ABCA2: variants seen among roughly 807,000 people sequenced by gnomAD.
ABCA2 encodes ATP binding cassette subfamily A member 2, also known as ATP-binding cassette sub-family A member 2.
ABCA2 carries 84 observed loss-of-function variants against 262.8 expected under a neutral mutation model. The observed-to-expected ratio is 0.32, with a 90% confidence interval of 0.27 to 0.38. The LOEUF is 0.38. Among genes scored for constraint, ABCA2 ranks in the 10% least tolerant of loss-of-function variants. The pLI is 1.00. For synonymous variants in ABCA2, 1,696 were observed against 1,502.9 expected, an observed-to-expected ratio of 1.13 and a Z score of -2.97; for missense variants, 2,662 against 3,405.9, an observed-to-expected ratio of 0.78 and a Z score of 5.44.
In ABCA2 at chr9:137,019,083, G is replaced by A. The variant is rs1355181617; in HGVS notation, c.1555-13C>T. ...GCTCTGCTACATACTTGGGGTGGAG[G>A]GGCGGCTCAGAGGGGGACCTGCGCC... On this transcript the variant is annotated splice_polypyrimidine_tract_variant and intron_variant, in intron 11 of 48. Coordinates refer to ENST00000341511, the MANE Select transcript of ABCA2 (RefSeq NM_001606.5). This position sits in a 1 kb window ranked among gnomAD's most constrained non-coding sequence, Gnocchi z 4.4. 14 of 1,605,074 alleles carry A rather than the reference G, an allele frequency of 8.7e-6. No homozygotes were observed. The highest frequency in any genetic ancestry group is 1.1e-5 in the Non-Finnish European group (13 of 1,174,328).
chr9:137,028,888 G>C, upstream of ABCA2: 1 of 1,321,182 alleles, frequency 7.6e-7, no homozygotes, highest in Non-Finnish European at 1.0e-6. This position sits in a 1 kb window ranked among gnomAD's most constrained non-coding sequence, Gnocchi z 6.9. Context: ...GGCGAGTCTG[G>C]TCTCTGCACA....
In ABCA2 at chr9:137,023,066, G is replaced by A. The variant is rs763151666; in HGVS notation, c.164-14C>T. 32 of 1,565,904 alleles carry A rather than the reference G, an allele frequency of 2.0e-5. No homozygotes were observed. Among genetic ancestry groups the A allele is most frequent in the African/African-American group, 4.1e-5 (3 of 73,834 alleles). ...CTGTGTAGAAGGCTGGCAGACCCAC[G>A]GGAGAGGGCAGGGTCGGGGGTGAAA... On this transcript the variant is annotated splice_polypyrimidine_tract_variant and intron_variant, in intron 3 of 48. Coordinates refer to ENST00000341511, the MANE Select transcript of ABCA2 (RefSeq NM_001606.5).
In ABCA2 at chr9:137,016,346, C is replaced by T. The variant is rs1452263264; in HGVS notation, c.3049G>A (p.Glu1017Lys). Residue 1017 changes from glutamate (E) to lysine (K), a missense_variant, in exon 21 of 49, where the codon GAG becomes AAG. This residue lies in a region of ABCA2 where 180 missense variants were observed against 307.3 expected (regional missense o/e 0.59). Transcript: ENST00000341511. ...ALNKLSLNLYENQVVSFLGHN... is the reference protein window; with the variant it reads ...ALNKLSLNLYKNQVVSFLGHN... ...CCCAAGAAGGAGACCACCTGGTTCT[C>T]GTAGAGGTTCAGGCTCAGCTTGTTC... The T allele has an allele frequency of 6.2e-7, 1 of 1,612,900 alleles. No homozygotes were observed. The highest frequency in any genetic ancestry group is 1.1e-5 in the South Asian group (1 of 91,092).
At position 137,009,594 on chromosome 9, in the gene ABCA2, G is replaced by A. The variant is rs202176127; in HGVS notation, c.6681C>T (p.Asn2227=). The A allele has an allele frequency of 4.3e-6, 7 of 1,612,862 alleles. No homozygotes were observed. The highest frequency in any genetic ancestry group is 1.6e-4 in the Middle Eastern group (1 of 6,080). ...MDPKARRFLW[N]LILDLIKTGR... is the part of the protein sequence containing the mutation. Reference sequence around the variant, plus strand: ...CTGTCTTGATGAGGTCAAGGATGAGGTTCCAGAGGAAGCGCCGGGCCTTGG... The same window carrying A: ...CTGTCTTGATGAGGTCAAGGATGAGATTCCAGAGGAAGCGCCGGGCCTTGG... Residue 2227 remains asparagine (N), a synonymous_variant, in exon 44 of 49, where the codon AAC becomes AAT. Transcript: ENST00000341511.
chr9:137,011,837 G>C lies in ABCA2; in HGVS notation c.5535+7C>G. ...GCCGGGGCACCCCATGGCCACGCCGGGCGCACCATGTCCCACACGTAGTTC... is the reference window on the plus strand; with the variant it reads ...GCCGGGGCACCCCATGGCCACGCCGCGCGCACCATGTCCCACACGTAGTTC... On this transcript the variant is annotated splice_region_variant and intron_variant, in intron 35 of 48. Transcript: ENST00000341511. The surrounding 1 kb of genome is among the most constrained non-coding windows in gnomAD (Gnocchi z 8.8). The C allele has an allele frequency of 1.9e-6, 3 of 1,575,490 alleles. No homozygotes were observed. The highest frequency in any genetic ancestry group is 2.6e-6 in the Non-Finnish European group (3 of 1,161,666).
chr9:137,010,801 G>C (rs1373423504), intron 39 of ABCA2, 64 bp from the exon 40 acceptor site: 36 of 1,527,020 alleles, frequency 2.4e-5, no homozygotes, highest in Non-Finnish European at 3.2e-5. Context: ...CCTGCCACCA[G>C]CCTCGCATCC....
rs1831260172 is a variant in ABCA2, at chr9:137,016,388, C to T, written c.3007G>A (p.Asp1003Asn). 1.2e-6 allele frequency: 2 copies of T among 1,612,942 alleles called. No homozygotes were observed. The highest frequency in any genetic ancestry group is 1.1e-5 in the South Asian group (1 of 91,092). ...AGCTTGTTCAGGGCCAGCTTCTTGT[C>T]GTCCTTGTAGACCTTGGTGAGTTTG... ...VDKLTKVYKD[D>N]KKLALNKLSL... The change falls in exon 21 of 49, where the codon GAC becomes AAC. Residue 1003 changes from aspartate (D) to asparagine (N), a missense_variant. Asp to Asn is a conservative substitution (Grantham distance 23). Around this residue, in one of 12 missense-constraint regions of ABCA2, gnomAD observed 133 missense variants for 150.8 expected, o/e 0.88. Transcript: ENST00000341511.
Position 137,012,800 on chromosome 9 carries a change from C to T in ABCA2, c.4993G>A (p.Val1665Met). 2 of 1,612,378 alleles carry T rather than the reference C, an allele frequency of 1.2e-6. No individual in the cohort carries two copies. The highest frequency in any genetic ancestry group is 3.3e-4 in the Middle Eastern group (2 of 6,048). The change falls in exon 31 of 49, where the codon GTG (valine) becomes ATG (methionine). Residue 1665 changes from valine (V) to methionine (M), a missense_variant. By Grantham distance (21) the Val-to-Met change is conservative. Transcript: ENST00000341511. ...SVGGHPPQMR[V>M]VTGDILTDIT... Reference sequence around the variant, plus strand: ...TCGGTCAGGATGTCGCCTGTGACCACCCGCATCTGGGGCGGGTGCCCGCCC... The same window carrying T: ...TCGGTCAGGATGTCGCCTGTGACCATCCGCATCTGGGGCGGGTGCCCGCCC...
intron 33 of ABCA2, 32 bp from the exon 34 acceptor site, chr9:137,012,194 A>AGGCCCCAGCTCCTCCCCGCCCC: frequency 6.2e-7 from 1 of 1,609,766 alleles, no homozygotes; most frequent in Non-Finnish European, 8.5e-7. Context: ...CGGCAGCTTC[A>AGGCCCCAGCTCCTCCCCGCCCC]GGCCCCAGCT....
intron 13 of ABCA2, 27 bp downstream of exon 13, chr9:137,018,692 T>TGGGGC (rs1554737784): frequency 6.8e-6 from 6 of 886,968 alleles, no homozygotes; most frequent in South Asian, 2.5e-5. Context: ...TGTGGGGGGC[T>TGGGGC]GGGGCGGGGC....
In ABCA2 at chr9:137,012,170, C is replaced by G. The variant is rs376465053; in HGVS notation, c.5300-8G>C. 2 of 1,611,424 alleles carry G rather than the reference C, an allele frequency of 1.2e-6. No homozygotes were observed. Among genetic ancestry groups the G allele is most frequent in the South Asian group, 2.2e-5 (2 of 91,064 alleles). Reference sequence around the variant, plus strand: ...GGTTGGTGACGGTGATGCCTGCACACGGCGGGGCGGGGGCGGCAGCTTCAG... The same window carrying G: ...GGTTGGTGACGGTGATGCCTGCACAGGGCGGGGCGGGGGCGGCAGCTTCAG... On this transcript the variant is annotated splice_region_variant and splice_polypyrimidine_tract_variant and intron_variant, in intron 33 of 48. Coordinates refer to ENST00000341511, the MANE Select transcript of ABCA2 (RefSeq NM_001606.5).
In ABCA2 at chr9:137,021,324, C is replaced by T. The variant is rs892898677; in HGVS notation, c.897+68G>A. The T allele has an allele frequency of 3.1e-5, 48 of 1,556,290 alleles. No homozygotes were observed. The highest frequency in any genetic ancestry group is 3.6e-5 in the Non-Finnish European group (42 of 1,151,062). On this transcript the variant is annotated intron_variant, in intron 8 of 48. Transcript: ENST00000341511. The surrounding 1 kb of genome is among the most constrained non-coding windows in gnomAD (Gnocchi z 6.0). ...GCCCAGGAGCCCTGAGCTCTCCAAG[C>T]GGTCCCAGCCCCTCCTTCAACTCAG...
intron 24 of ABCA2, 87 bp from the exon 25 acceptor site, chr9:137,015,184 G>T: frequency 7.0e-7 from 1 of 1,424,280 alleles, no homozygotes; most frequent in Non-Finnish European, 9.4e-7. Flanking sequence ...TCAAGATATG[G>T]GCATTGGAGA....
chr9:137,018,404 T>TCCTTCCG, intron 13 of ABCA2, 53 bp from the exon 14 acceptor site: 1 of 238,486 alleles, frequency 4.2e-6, no homozygotes. Flanking sequence ...GACCAAGGCG[T>TCCTTCCG]GGTGGGGGGG....
At chr9:137,017,738 G>A (rs369944063) in intron 16 of ABCA2, 46 bp from the exon 17 acceptor site, 24 of 1,607,816 alleles carry the variant, frequency 1.5e-5, no homozygotes, top group Admixed American at 1.3e-4. Context: ...GGAGGACGCC[G>A]CCCCTCCCTG....
chr9:137,012,525 G>T lies in ABCA2; in HGVS notation c.5147C>A (p.Pro1716Gln). The stretch of plus-strand genomic sequence containing the variant: ...CACCGCGATCTTCCGCACCATGGGT[G>T]GGGCCCTGGTGCCAAATGAGGCTGG... ...SIPASFGTRAPPMVRKIAVRR... is the reference protein window; with the variant it reads ...SIPASFGTRAQPMVRKIAVRR... The change falls in exon 32 of 49, where the codon CCA (proline) becomes CAA (glutamine). Residue 1716 changes from proline (P) to glutamine (Q), a missense_variant. Physicochemically the swap from Pro to Gln is moderately conservative, Grantham distance 76 (BLOSUM62 -1). Coordinates refer to ENST00000341511, the MANE Select transcript of ABCA2 (RefSeq NM_001606.5). 1 of 1,611,936 alleles carries T rather than the reference G, an allele frequency of 6.2e-7. No homozygotes were observed. Among genetic ancestry groups the T allele is most frequent in the Admixed American group, 1.7e-5 (1 of 60,026 alleles).
chr9:137,013,636 C>T, intron 28 of ABCA2, 73 bp from the exon 29 acceptor site: 4 of 1,466,972 alleles, frequency 2.7e-6, no homozygotes, highest in South Asian at 2.4e-5. Context: ...CGGTCCCCTT[C>T]CCCCAACCCC....
rs1243132096 is a variant in ABCA2 at position 137,017,135 on chromosome 9, A to G, written c.2554-11T>C. ...CGTGGACATGAGGGACTGAGAAGGC[A>G]GTGGTGTCAGCACGTGGGGTGGCCC... On this transcript the variant is annotated splice_polypyrimidine_tract_variant and intron_variant, in intron 18 of 48. Coordinates refer to ENST00000341511, the MANE Select transcript of ABCA2 (RefSeq NM_001606.5). The G allele has an allele frequency of 1.2e-6, 2 of 1,611,890 alleles. No homozygotes were observed. Among genetic ancestry groups the G allele is most frequent in the African/African-American group, 1.3e-5 (1 of 74,886 alleles).
chr9:137,012,862 G>C lies in ABCA2; in HGVS notation c.4931C>G (p.Ser1644Cys). Reference sequence around the variant, plus strand: ...GCAGGAGAAGCCGGTGCCCTGCGCAGAGCAGGTGCAGCGGACGGGCTCCCG... The same window carrying C: ...GCAGGAGAAGCCGGTGCCCTGCGCACAGCAGGTGCAGCGGACGGGCTCCCG... The part of the protein sequence containing the change: ...LVREPVRCTC[S>C]AQGTGFSCPS... Residue 1644 changes from serine (S) to cysteine (C), a missense_variant, in exon 31 of 49, where the codon TCT becomes TGT. Coordinates refer to ENST00000341511, the MANE Select transcript of ABCA2 (RefSeq NM_001606.5). 1 of 1,598,174 alleles carries C rather than the reference G, an allele frequency of 6.3e-7. No homozygotes were observed. Among genetic ancestry groups the C allele is most frequent in the South Asian group, 1.1e-5 (1 of 90,102 alleles).
Sources: allele counts gnomAD v4.1 joint callset, GRCh38; gene constraint gnomAD v4.1.1; regional missense constraint gnomAD v4.1.1; non-coding constraint Gnocchi (gnomAD v3.1); transcripts MANE v1.5; gene names NCBI Gene and HGNC (gene_info 2026-07-23, HGNC 2026-07-21).